Variants in TRABD observed in about 807,000 individuals in gnomAD.
TRABD encodes the protein traB domain-containing protein.
TRABD carries 23 observed loss-of-function variants against 39.6 expected under a neutral mutation model. The ratio of observed to expected loss-of-function variants is 0.58; its 90% CI spans 0.42 to 0.82. The LOEUF is 0.82. Among genes scored for constraint, TRABD ranks in the 40% least tolerant of loss-of-function variants. TRABD has a pLI of 0.00. For missense variants in TRABD, 487 were observed against 544.9 expected (o/e 0.89, Z 1.06); for synonymous variants, 243 against 232.1 (o/e 1.05, Z -0.43).
At position 50,197,316 on chromosome 22, in the gene TRABD, G is replaced by GC; in HGVS notation, c.500dup (p.Gly168ArgfsTer23). 6.2e-7 allele frequency: 1 copy of GC among 1,613,866 alleles called. No individual in the cohort carries two copies. Among genetic ancestry groups the GC allele is most frequent in the Non-Finnish European group, 8.5e-7 (1 of 1,180,012 alleles). On this transcript the variant is annotated frameshift_variant, in exon 6 of 10. Coordinates refer to ENST00000380909, the MANE Select transcript of TRABD (RefSeq NM_001320485.2). LOFTEE classifies it high-confidence loss of function. ...ACACATCACCGAGCAGCTGGGCATG[G>GC]CCCCAGGTGGCGAGTTCAGGGAGGC... is the stretch of plus-strand genomic sequence containing the variant.
intron 5 of TRABD, among the ~76,000 whole-genome samples, chr22:50,196,159 G>A (rs761008022): frequency 6.6e-6 from 1 of 152,206 alleles, no homozygotes; most frequent in Non-Finnish European, 1.5e-5. Context: ...GGGGACACTC[G>A]CTGTGCCCTG....
chr22:50,196,844 G>A lies in TRABD; in HGVS notation c.421-397G>A, dbSNP rs145373335. The stretch of plus-strand genomic sequence containing the variant: ...CGAGTAGCTGGGATTACAGGCACCC[G>A]CCAGCACACCCGGCTAATTTTTATA... On this transcript the variant is annotated intron_variant, in intron 5 of 9. Coordinates refer to ENST00000380909, the MANE Select transcript of TRABD (RefSeq NM_001320485.2). The A allele has an allele frequency of 4.6e-3, 778 of 168,436 alleles. 7 individuals carry two copies. The highest frequency in any genetic ancestry group is 0.017 in the African/African-American group (710 of 41,832). 10.4% of individuals were successfully genotyped at this position (168,436 alleles called of 1,614,324 possible).
chr22:50,193,769 C>G, intron 3 of TRABD, 115 bp downstream of exon 3: 2 of 1,018,726 alleles, frequency 2.0e-6, no homozygotes, highest in Non-Finnish European at 1.5e-6. Context: ...AGCAGGGGCC[C>G]TGGCCGAGAC....
Position 50,198,368 on chromosome 22 carries a change from G to A in TRABD, c.980G>A (p.Gly327Asp), listed in dbSNP as rs1452668147. ...IMTVPPPSVSGRVSRLAVKAA... is the reference protein window; with the variant it reads ...IMTVPPPSVSDRVSRLAVKAA... ...AGCGTGCCCCCGCCGTCCGTCTCCGGCAGAGTGTCTCGGTTGGCCGTGAAG... is the reference window on the plus strand; with the variant it reads ...AGCGTGCCCCCGCCGTCCGTCTCCGACAGAGTGTCTCGGTTGGCCGTGAAG... The change falls in exon 10 of 10, where the codon GGC becomes GAC. Residue 327 changes from glycine (G) to aspartate (D), a missense_variant. By Grantham distance (94) the Gly-to-Asp change is moderately conservative. This residue lies in a region of TRABD where 123 missense variants were observed against 108.3 expected (regional missense o/e 1.14). Coordinates refer to ENST00000380909, the MANE Select transcript of TRABD (RefSeq NM_001320485.2). The surrounding 1 kb of genome is among the most constrained non-coding windows in gnomAD (Gnocchi z 7.9). 4 of 1,585,636 alleles carry A rather than the reference G, an allele frequency of 2.5e-6. No individual in the cohort carries two copies. The highest frequency in any genetic ancestry group is 2.6e-6 in the Non-Finnish European group (3 of 1,171,052).
intron 1 of TRABD, among the ~76,000 whole-genome samples, chr22:50,187,157 G>T (rs975560144): frequency 3.3e-5 from 5 of 152,172 alleles, no homozygotes; most frequent in African/African-American, 1.2e-4. Flanking sequence ...GGCCTGGCAG[G>T]GTGGGTGGGT....
intron 5 of TRABD, 143 bp downstream of exon 5, chr22:50,195,183 C>A: frequency 9.0e-7 from 1 of 1,108,324 alleles, no homozygotes; most frequent in Non-Finnish European, 1.2e-6. Flanking sequence ...GGTTAGGGAC[C>A]TCCCCTGGGC....
chr22:50,198,634 GGC>G lies in TRABD; in HGVS notation c.*116_*117del. 1 of 1,139,484 alleles carries G rather than the reference GGC, an allele frequency of 8.8e-7. No homozygotes were observed. The highest frequency in any genetic ancestry group is 1.2e-6 in the Non-Finnish European group (1 of 843,306). 70.6% of individuals were successfully genotyped at this position (1,139,484 alleles called of 1,614,324 possible). On this transcript the variant is annotated 3_prime_UTR_variant, in exon 10 of 10. Transcript: ENST00000380909. This position sits in a 1 kb window ranked among gnomAD's most constrained non-coding sequence, Gnocchi z 7.9. ...CCCTGCCACCCCCCATGGGGGTCTG[GGC>G]CCGGCCTCGCCTGCCCTCCTGGGCC...
chr22:50,189,940 G>A (rs2063852573), intron 1 of TRABD, among the ~76,000 whole-genome samples: 2 of 152,224 alleles, frequency 1.3e-5, no homozygotes, highest in Admixed American at 1.3e-4. Context: ...TTTGGGCCAG[G>A]GCCTTTTGCT....
In TRABD at chr22:50,199,370, C is replaced by T. The variant is rs113760456; in HGVS notation, c.*851C>T. The T allele has an allele frequency of 4.7e-6, 2 of 422,994 alleles. No homozygotes were observed. The highest frequency in any genetic ancestry group is 8.4e-5 in the East Asian group (2 of 23,844). 26.2% of individuals were successfully genotyped at this position (422,994 alleles called of 1,614,324 possible). A position where few individuals can be genotyped will look rare whatever the true frequency, so the allele number is the denominator to read the frequency against. ...GGACATGGGCTGTGGCCAGGCCTGT[C>T]CCGCTCAGGCCCCCTGCCCGGCGGC... On this transcript the variant is annotated 3_prime_UTR_variant, in exon 10 of 10. Coordinates refer to ENST00000380909, the MANE Select transcript of TRABD (RefSeq NM_001320485.2).
intron 5 of TRABD, among the ~76,000 whole-genome samples, chr22:50,196,404 C>G (rs377442573): frequency 6.6e-6 from 1 of 152,222 alleles, no homozygotes; most frequent in Admixed American, 6.5e-5. Context: ...CAGGTGTGAG[C>G]GATTGCCCGG....
intron 5 of TRABD, among the ~76,000 whole-genome samples, chr22:50,196,012 G>C (rs1229853846): frequency 2.0e-5 from 3 of 152,210 alleles, no homozygotes; most frequent in African/African-American, 7.2e-5. Context: ...CCCCACCAGA[G>C]CCTGGGGCCC....
In TRABD at chr22:50,190,720, C is replaced by G. The variant is rs1290444394; in HGVS notation, c.-34-2307C>G. 2.6e-5 allele frequency: 4 copies of G among 152,492 alleles called. No homozygotes were observed. The East Asian group carries it at 7.7e-4, about 29-fold the overall frequency. The allele number at this position is 152,492 out of a possible 1,614,324, so 9.4% of individuals were successfully genotyped here. A position where few individuals can be genotyped will look rare whatever the true frequency, so the allele number is the denominator to read the frequency against. ...GTTCTGGCTTGTGTGTGTAGCTAGA[C>G]CCAGGGAGGCGGCCGTCTCCCGGAC... On this transcript the variant is annotated intron_variant, in intron 1 of 9. Coordinates refer to ENST00000380909, the MANE Select transcript of TRABD (RefSeq NM_001320485.2).
rs751318299 is a variant in TRABD at position 50,197,461 on chromosome 22, C to G, written c.544C>G (p.Pro182Ala). Residue 182 changes from proline (P) to alanine (A), a missense_variant, in exon 7 of 10, where the codon CCT becomes GCT. Transcript: ENST00000380909. ...GCCTCTGCTCCAGGCCAGCAAGGTGCCTTTCTGCAAGTTCCACCTGGGTGA... is the reference window on the plus strand; with the variant it reads ...GCCTCTGCTCCAGGCCAGCAAGGTGGCTTTCTGCAAGTTCCACCTGGGTGA... ...REAFKEASKV[P>A]FCKFHLGDRP... 6.2e-7 allele frequency: 1 copy of G among 1,613,866 alleles called. No homozygotes were observed. Among genetic ancestry groups the G allele is most frequent in the South Asian group, 1.1e-5 (1 of 91,078 alleles).
rs991087544 is a variant in TRABD, at chr22:50,197,708, C to A, written c.672-115C>A. The A allele has an allele frequency of 2.6e-6, 4 of 1,568,254 alleles. No homozygotes were observed. The African/African-American group carries it at 5.4e-5, about 21-fold the overall frequency. ...TCAAGGCCTTCCCTGCCCTTTCCTT[C>A]CGCCACAAATCCCAAACAAACGTGC... On this transcript the variant is annotated intron_variant, in intron 7 of 9. Coordinates refer to ENST00000380909, the MANE Select transcript of TRABD (RefSeq NM_001320485.2).
rs926878055 is a variant in TRABD, at chr22:50,187,902, C to T, written c.-35+1926C>T. ...GGCTGAGGCAGGAGAATGGCGTGAA[C>T]CCGGGAGGCAGAGCTTGCAGTGAGC... On this transcript the variant is annotated intron_variant, in intron 1 of 9. Coordinates refer to ENST00000380909, the MANE Select transcript of TRABD (RefSeq NM_001320485.2). 3.3e-5 allele frequency among the ~76,000 whole-genome samples: 5 copies of T among 151,762 alleles called. No homozygotes were observed. The South Asian group carries it at 6.2e-4, about 19-fold the overall frequency.
At chr22:50,194,222 G>A in intron 3 of TRABD, 118 bp from the exon 4 acceptor site, 2 of 1,304,702 alleles carry the variant, frequency 1.5e-6, no homozygotes, top group Non-Finnish European at 1.0e-6. Flanking sequence ...GGAGTCTTGT[G>A]CTCTGCACCT....
chr22:50,193,702 G>A (rs1170548810), intron 3 of TRABD, 48 bp downstream of exon 3: 10 of 1,582,246 alleles, frequency 6.3e-6, no homozygotes, highest in Non-Finnish European at 7.8e-6. Flanking sequence ...TTGGGCTGTT[G>A]AGTCAGGGAG....
Position 50,197,449 on chromosome 22 carries a change from G to A in TRABD, c.532G>A (p.Ala178Thr). The A allele has an allele frequency of 3.1e-6, 5 of 1,613,736 alleles. No homozygotes were observed. The highest frequency in any genetic ancestry group is 4.2e-6 in the Non-Finnish European group (5 of 1,179,956). The part of the protein sequence containing the change: ...GGEFREAFKE[A>T]SKVPFCKFHL... ...CCCCAACACCCAGCCTCTGCTCCAG[G>A]CCAGCAAGGTGCCTTTCTGCAAGTT... The change falls in exon 7 of 10, where the codon GCC becomes ACC. Residue 178 changes from alanine (A) to threonine (T), a missense_variant and splice_region_variant. This residue lies in a region of TRABD where 358 missense variants were observed against 414.7 expected (regional missense o/e 0.86). Coordinates refer to ENST00000380909, the MANE Select transcript of TRABD (RefSeq NM_001320485.2).
chr22:50,198,300 G>C lies in TRABD; in HGVS notation c.957-45G>C, dbSNP rs1432421671. On this transcript the variant is annotated intron_variant, in intron 9 of 9. Transcript: ENST00000380909. The surrounding 1 kb of genome is among the most constrained non-coding windows in gnomAD (Gnocchi z 7.9). ...ACCCAGGCATGGGGGCTGGGGTATG[G>C]GGAGCCCACCCCCAGCCAGGCCCAG... 6.6e-6 allele frequency: 10 copies of C among 1,519,144 alleles called. No homozygotes were observed. Among genetic ancestry groups the C allele is most frequent in the Non-Finnish European group, 7.1e-6 (8 of 1,122,326 alleles). The allele number at this position is 1,519,144 out of a possible 1,614,324, so 94.1% of individuals were successfully genotyped here.
Sources: allele counts gnomAD v4.1 joint callset (sites outside exome capture counted in the v4.1 genomes callset), GRCh38; gene constraint gnomAD v4.1.1; regional missense constraint gnomAD v4.1.1; non-coding constraint Gnocchi (gnomAD v3.1); transcripts MANE v1.5; gene names NCBI Gene and HGNC (gene_info 2026-07-23, HGNC 2026-07-21).